The following CD6 variants were observed in gnomAD, a reference collection of about 807,000 sequenced individuals.
CD6 encodes the protein T-cell differentiation antigen CD6.
CD6 carries 53 observed loss-of-function variants against 75.3 expected under a neutral mutation model. The ratio of observed to expected loss-of-function variants is 0.70; its 90% CI spans 0.56 to 0.88. The LOEUF is 0.88. Ranked by LOEUF, CD6 falls within the 40% of genes least tolerant of loss-of-function variation. CD6 has a pLI of 0.00. For missense variants in CD6, 770 were observed against 897.1 expected (o/e 0.86, Z 1.81); for synonymous variants, 359 against 381.5 (o/e 0.94, Z 0.69).
In CD6 at chr11:61,019,257, C is replaced by T. The variant is rs1938452417; in HGVS notation, c.1946C>T (p.Ser649Phe). Residue 649 changes from serine to phenylalanine, a missense_variant, in exon 13 of 13, where the codon TCC (serine) becomes TTC (phenylalanine). Transcript: ENST00000313421. ...ATCTGGGCCTCTCTGCCCACAGGGT[C>T]CCCCAGCCCTCAGCCTGACTCCACC... is the stretch of plus-strand genomic sequence containing the variant. ...PSEEQFGCPG[S>F]PSPQPDSTDN... 3.7e-6 allele frequency: 6 copies of T among 1,610,772 alleles called. No individual in the cohort carries two copies. The highest frequency in any genetic ancestry group is 1.1e-5 in the South Asian group (1 of 90,980).
Position 61,017,813 on chromosome 11 carries a change from T to C in CD6, c.1637T>C (p.Ile546Thr), listed in dbSNP as rs1382675364. ...HIPTANPGHCITDPPSLGPQY... is the reference protein window; with the variant it reads ...HIPTANPGHCTTDPPSLGPQY... ...CCAACTGCCAACCCTGGACACTGCA[T>C]TACAGACCCGCCATCCCTGGGCCCT... The change falls in exon 11 of 13, where the codon ATT becomes ACT. Residue 546 changes from isoleucine (I) to threonine (T), a missense_variant. By Grantham distance (89) the Ile-to-Thr change is moderately conservative. Coordinates refer to ENST00000313421, the MANE Select transcript of CD6 (RefSeq NM_006725.5). 1.3e-5 allele frequency: 21 copies of C among 1,614,092 alleles called. No homozygotes were observed. Among genetic ancestry groups the C allele is most frequent in the Non-Finnish European group, 1.8e-5 (21 of 1,180,006 alleles).
intron 1 of CD6, among the ~76,000 whole-genome samples, chr11:60,993,436 G>A (rs1019954277): frequency 4.0e-5 from 6 of 151,532 alleles, no homozygotes; most frequent in Admixed American, 1.3e-4. Context: ...AGGGCCAAAC[G>A]AGAGAAAAGG....
At position 61,018,293 on chromosome 11, in the gene CD6, G is replaced by C; in HGVS notation, c.1842G>C (p.Gly614=). Residue 614 remains glycine, a synonymous_variant, in exon 12 of 13, where the codon GGG becomes GGC. Transcript: ENST00000313421. ...ACTGGTTCTGGGGGTTTCCAGCAGG[G>C]CCCCCGGCTGATGACAGCTCCAGCA... is the stretch of plus-strand genomic sequence containing the variant. ...LAGTQPAFSA[G]PPADDSSSTS... 2 of 1,597,916 alleles carry C rather than the reference G, an allele frequency of 1.3e-6. No homozygotes were observed. Among genetic ancestry groups the C allele is most frequent in the South Asian group, 2.3e-5 (2 of 88,420 alleles).
At chr11:60,978,222 G>A (rs1206727235) in intron 1 of CD6, among the ~76,000 whole-genome samples, 1 of 152,224 alleles carries the variant, frequency 6.6e-6, no homozygotes, top group African/African-American at 2.4e-5. Flanking sequence ...GGACAAAGGG[G>A]GTGGGCATGG....
intron 1 of CD6, among the ~76,000 whole-genome samples, chr11:60,975,450 G>A (rs181782600): frequency 6.6e-6 from 1 of 152,152 alleles, no homozygotes; most frequent in East Asian, 1.9e-4. Flanking sequence ...TGATATGATG[G>A]GCTAAATGAA....
chr11:60,975,256 C>T (rs1857322634), intron 1 of CD6, among the ~76,000 whole-genome samples: 1 of 152,110 alleles, frequency 6.6e-6, no homozygotes, highest in Non-Finnish European at 1.5e-5. Context: ...TAATCAAACT[C>T]CCTTGGTTCT....
chr11:60,983,722 A>T (rs1370601767), intron 1 of CD6, among the ~76,000 whole-genome samples: 1 of 152,062 alleles, frequency 6.6e-6, no homozygotes, highest in African/African-American at 2.4e-5. Flanking sequence ...ATTCTATTGG[A>T]TAATCGACAG....
chr11:60,982,681 A>G (rs1279926019), intron 1 of CD6: 1 of 455,890 alleles, frequency 2.2e-6, no homozygotes, highest in Non-Finnish European at 4.4e-6. Flanking sequence ...CTTTGCCGGG[A>G]TGGGATTCTA....
Position 60,997,986 on chromosome 11 carries a change from G to A in CD6, c.50-8588G>A, listed in dbSNP as rs149624925. On this transcript the variant is annotated intron_variant, in intron 1 of 12. Transcript: ENST00000313421. ...CTTCAAATGTATGCTCCTCCCCTGC[G>A]TTTATACAGATGAGTGCTTTGTGTA... 1.5e-3 allele frequency among the ~76,000 whole-genome samples: 222 copies of A among 152,264 alleles called. 1 individual carries two copies. Among genetic ancestry groups the A allele is most frequent in the South Asian group, 0.01 (49 of 4,832 alleles).
At chr11:60,989,450 A>G (rs1373239635) in intron 1 of CD6, 1 of 152,350 alleles carries the variant, frequency 6.6e-6, no homozygotes, top group Non-Finnish European at 1.5e-5. Flanking sequence ...CACCAGCCCC[A>G]CCACTTGCAG....
Position 61,016,249 on chromosome 11 carries a change from T to C in CD6, c.1510+414T>C, listed in dbSNP as rs116149823. The stretch of plus-strand genomic sequence containing the variant: ...TCTGACCCCATCAGCCCCACTCACT[T>C]CCTCACCTCCACGCTCTTGCCAGCT... On this transcript the variant is annotated intron_variant, in intron 9 of 12. Coordinates refer to ENST00000313421, the MANE Select transcript of CD6 (RefSeq NM_006725.5). Among the ~76,000 whole-genome samples the C allele has an allele frequency of 3.2e-4, 48 of 152,322 alleles. 2 individuals are homozygous for C. Among genetic ancestry groups the C allele is most frequent in the Middle Eastern group, 3.4e-3 (1 of 294 alleles).
At chr11:60,974,780 T>G (rs996882670) in intron 1 of CD6, among the ~76,000 whole-genome samples, 8 of 152,250 alleles carry the variant, frequency 5.3e-5, no homozygotes, top group Non-Finnish European at 2.9e-5. Context: ...CCCCAGGTTC[T>G]GCCCTGGTCC....
Position 61,009,629 on chromosome 11 carries a change from T to C in CD6, c.839T>C (p.Val280Ala). 1 of 1,613,424 alleles carries C rather than the reference T, an allele frequency of 6.2e-7. No individual in the cohort carries two copies. The change falls in exon 5 of 13, where the codon GTA becomes GCA. Residue 280 changes from valine to alanine, a missense_variant. Val to Ala is a moderately conservative substitution (Grantham distance 64). Coordinates refer to ENST00000313421, the MANE Select transcript of CD6 (RefSeq NM_006725.5). ...GADRCEGQVE[V>A]HFRGVWNTVC... ...GACCGCTGCGAGGGGCAGGTGGAGG[T>C]ACACTTCCGAGGGGTCTGGAACACA...
At chr11:60,972,894 C>A (rs1250946616) in intron 1 of CD6, among the ~76,000 whole-genome samples, 1 of 152,178 alleles carries the variant, frequency 6.6e-6, no homozygotes, top group Non-Finnish European at 1.5e-5. Context: ...TGTTCCGAGC[C>A]TGTGGCCTCA....
chr11:61,015,076 C>T (rs1859337984), intron 8 of CD6, among the ~76,000 whole-genome samples: 1 of 152,146 alleles, frequency 6.6e-6, no homozygotes, highest in South Asian at 2.1e-4. Context: ...TCAGTTCCCT[C>T]CAAGGCAAAA....
chr11:60,975,923 T>A (rs1304070306), intron 1 of CD6, among the ~76,000 whole-genome samples: 1 of 152,248 alleles, frequency 6.6e-6, no homozygotes, highest in African/African-American at 2.4e-5. Context: ...ATATGATGAA[T>A]TCCATATTTT....
chr11:60,993,869 AC>A (rs1360189893), intron 1 of CD6, among the ~76,000 whole-genome samples: 2 of 152,196 alleles, frequency 1.3e-5, no homozygotes, highest in East Asian at 3.9e-4. Flanking sequence ...CTGGCAACAG[AC>A]TCATTTCTCA....
chr11:61,001,570 A>G (rs1212026443), intron 1 of CD6, among the ~76,000 whole-genome samples: 1 of 151,782 alleles, frequency 6.6e-6, no homozygotes, highest in African/African-American at 2.4e-5. Flanking sequence ...ATTACCTTCT[A>G]TTTTAAGCAA....
chr11:60,982,498 T>A, intron 1 of CD6: 1 of 441,262 alleles, frequency 2.3e-6, no homozygotes, highest in South Asian at 1.6e-5. Context: ...TCAGGAGGGG[T>A]GCCTGGGAGC....
Sources: allele counts gnomAD v4.1 joint callset (sites outside exome capture counted in the v4.1 genomes callset), GRCh38; gene constraint gnomAD v4.1.1; transcripts MANE v1.5; gene names NCBI Gene and HGNC (gene_info 2026-07-23, HGNC 2026-07-21).